Variants in ARSB observed in about 807,000 individuals in gnomAD.
ARSB encodes arylsulfatase B.
ARSB carries 41 observed loss-of-function variants against 50.9 expected under a neutral mutation model. That is an observed-to-expected ratio of 0.81 (90% confidence interval 0.63 to 1.04). The LOEUF (loss-of-function observed/expected upper bound fraction) is 1.04, where lower values mean the gene tolerates loss of function less well. ARSB is among the 50% of genes least tolerant of loss of function. The probability of loss-of-function intolerance (pLI) is 0.00; values close to 1 mark genes in which losing one functional copy is unlikely to be tolerated. For synonymous variants in ARSB, 269 were observed against 284.8 expected (o/e 0.94, Z 0.56); for missense variants, 672 against 693.3 (o/e 0.97, Z 0.35).
chr5:78,984,802 C>T, intron 1 of ARSB, 135 bp downstream of exon 1: 1 of 651,304 alleles, frequency 1.5e-6, no homozygotes, highest in Non-Finnish European at 2.1e-6. Flanking sequence ...GGCGAGAAGC[C>T]GCCGGGACCC....
intron 4 of ARSB, among the ~76,000 whole-genome samples, chr5:78,916,387 A>G (rs778391940): frequency 2.0e-5 from 3 of 152,244 alleles, no homozygotes; most frequent in African/African-American, 4.8e-5. Context: ...TAGTTTAAAG[A>G]GGAGAACAGA....
At chr5:78,982,401 G>C (rs1440414090) in intron 1 of ARSB, among the ~76,000 whole-genome samples, 1 of 152,166 alleles carries the variant, frequency 6.6e-6, no homozygotes, top group Non-Finnish European at 1.5e-5. Flanking sequence ...TCTTTACCTT[G>C]AGATATTTAG....
chr5:78,953,625 C>A (rs1751578937), intron 4 of ARSB, among the ~76,000 whole-genome samples: 1 of 152,160 alleles, frequency 6.6e-6, no homozygotes, highest in African/African-American at 2.4e-5. Context: ...TGTCACCTCA[C>A]CCCTACATGG....
intron 4 of ARSB, among the ~76,000 whole-genome samples, chr5:78,944,392 T>C (rs1056001296): frequency 5.3e-5 from 8 of 152,228 alleles, no homozygotes; most frequent in Non-Finnish European, 1.2e-4. Flanking sequence ...CTCTGTTTTT[T>C]CCCCATCTTT....
At chr5:78,867,303 G>T (rs1581065354) in intron 5 of ARSB, among the ~76,000 whole-genome samples, 2 of 151,960 alleles carry the variant, frequency 1.3e-5, no homozygotes, top group South Asian at 4.2e-4. Context: ...GCTCGAACTG[G>T]GTGGAGCCCA....
chr5:78,877,815 A>G (rs1185877874), intron 5 of ARSB, among the ~76,000 whole-genome samples: 1 of 152,254 alleles, frequency 6.6e-6, no homozygotes, highest in East Asian at 1.9e-4. Context: ...AGAATAATCA[A>G]TCACAACCAA....
At chr5:78,908,163 T>G (rs1749149201) in intron 4 of ARSB, among the ~76,000 whole-genome samples, 1 of 152,168 alleles carries the variant, frequency 6.6e-6, no homozygotes, top group Admixed American at 6.5e-5. Context: ...ACCTGGCCCA[T>G]CAGAGTCACG....
Position 78,954,654 on chromosome 5 carries a change from G to A in ARSB, c.898+641C>T, listed in dbSNP as rs543200280. Among the ~76,000 whole-genome samples, 261 of 152,068 alleles carry A rather than the reference G, an allele frequency of 1.7e-3. 1 individual carries two copies. The highest frequency in any genetic ancestry group is 5.8e-3 in the African/African-American group (240 of 41,482). On this transcript the variant is annotated intron_variant, in intron 4 of 7. Coordinates refer to ENST00000264914, the MANE Select transcript of ARSB (RefSeq NM_000046.5). ...CGAGTAGCTGGGACTACATGCACTC[G>A]CCACCATGCCCGGCTAATTTTTGCA...
At position 78,799,699 on chromosome 5, in the gene ARSB, G is replaced by A. The variant is rs74681875; in HGVS notation, c.1214-17725C>T. Among the ~76,000 whole-genome samples the A allele has an allele frequency of 3.9e-5, 6 of 152,332 alleles. No homozygotes were observed. The East Asian group carries it at 1.2e-3, about 29-fold the overall frequency. On this transcript the variant is annotated intron_variant, in intron 6 of 7. Transcript: ENST00000264914. ...CAGGCAGATTTAGAAATAGAATGCAGGAGCCTGCTATCATAGTAGAGGCTC... is the reference window on the plus strand; with the variant it reads ...CAGGCAGATTTAGAAATAGAATGCAAGAGCCTGCTATCATAGTAGAGGCTC...
intron 4 of ARSB, among the ~76,000 whole-genome samples, chr5:78,941,451 G>A (rs916008496): frequency 7.2e-5 from 11 of 152,148 alleles, no homozygotes; most frequent in South Asian, 2.1e-4. Flanking sequence ...TTTGAGATAC[G>A]TCCCATCAAT....
intron 4 of ARSB, among the ~76,000 whole-genome samples, chr5:78,902,075 G>A (rs1748834435): frequency 6.6e-6 from 1 of 152,218 alleles, no homozygotes; most frequent in Non-Finnish European, 1.5e-5. Flanking sequence ...CTAAGAACAT[G>A]GTGCTGGCAC....
At position 78,985,256 on chromosome 5, in the gene ARSB, C is replaced by T; in HGVS notation, c.-8G>A. The T allele has an allele frequency of 7.7e-7, 1 of 1,303,208 alleles. No individual in the cohort carries two copies. Among genetic ancestry groups the T allele is most frequent in the Non-Finnish European group, 9.7e-7 (1 of 1,031,034 alleles). The allele number at this position is 1,303,208 out of a possible 1,614,324, so 80.7% of individuals were successfully genotyped here. A position where few individuals can be genotyped will look rare whatever the true frequency, so the allele number is the denominator to read the frequency against. ...CGCGCCGCGCGGACCCATCCTTGTCCGCCCGCGGTCCCAGCGCCTGTGGCG... is the reference window on the plus strand; with the variant it reads ...CGCGCCGCGCGGACCCATCCTTGTCTGCCCGCGGTCCCAGCGCCTGTGGCG... On this transcript the variant is annotated 5_prime_UTR_variant, in exon 1 of 8. Transcript: ENST00000264914.
At chr5:78,884,813 G>C (rs1460655825) in intron 5 of ARSB, 1 of 152,102 alleles carries the variant, frequency 6.6e-6, no homozygotes, top group Non-Finnish European at 1.5e-5. Context: ...TACTCCAAGG[G>C]AACATCTTGC....
intron 6 of ARSB, among the ~76,000 whole-genome samples, chr5:78,815,045 C>T (rs1743939851): frequency 6.6e-6 from 1 of 150,626 alleles, no homozygotes; most frequent in South Asian, 2.1e-4. Context: ...ACCAAACAAA[C>T]AAAAAACAAT....
At chr5:78,930,460 C>G (rs1036030076) in intron 4 of ARSB, among the ~76,000 whole-genome samples, 3 of 152,126 alleles carry the variant, frequency 2.0e-5, no homozygotes, top group African/African-American at 7.2e-5. Flanking sequence ...AAAAAAGATC[C>G]TTTTCTTTGA....
At chr5:78,828,226 GTGTATTTTTAAAAATTTTGAGCTTTTC>G (rs142881617) in intron 6 of ARSB, among the ~76,000 whole-genome samples, 4,839 of 151,956 alleles carry the variant, frequency 0.032, 212 homozygotes, top group African/African-American at 0.1. Context: ...TTTTTTTTGT[GTGTATTTTTAAAAATTTTGAGCTTTTC>G]TGTATTTTTA....
At chr5:78,939,575 T>C (rs1359730911) in intron 4 of ARSB, among the ~76,000 whole-genome samples, 1 of 152,196 alleles carries the variant, frequency 6.6e-6, no homozygotes, top group East Asian at 1.9e-4. Flanking sequence ...AAATGATGGT[T>C]TCCAGCTTCA....
intron 4 of ARSB, among the ~76,000 whole-genome samples, chr5:78,917,282 A>G (rs374148679): frequency 3.2e-4 from 48 of 152,326 alleles, no homozygotes; most frequent in African/African-American, 1.1e-3. Flanking sequence ...GTTGTCAAGA[A>G]AAACTTAAGC....
At chr5:78,935,841 G>T (rs371583371) in intron 4 of ARSB, among the ~76,000 whole-genome samples, 7 of 152,022 alleles carry the variant, frequency 4.6e-5, no homozygotes, top group East Asian at 1.9e-4. Context: ...ATCAGTGAGT[G>T]TTGGACTCAG....
Sources: allele counts gnomAD v4.1 joint callset (sites outside exome capture counted in the v4.1 genomes callset), GRCh38; gene constraint gnomAD v4.1.1; transcripts MANE v1.5; gene names NCBI Gene and HGNC (gene_info 2026-07-23, HGNC 2026-07-21).